The following ZNF536 variants were observed in gnomAD, a reference collection of about 807,000 sequenced individuals.
The protein encoded by ZNF536 is zinc finger protein 536.
In ZNF536, 13 loss-of-function variants were observed where a neutral mutation model predicts 84.5. That is an observed-to-expected ratio of 0.15 (90% CI 0.10 to 0.24). The LOEUF (loss-of-function observed/expected upper bound fraction) is 0.24. Among genes scored for constraint, ZNF536 ranks in the 10% least tolerant of loss-of-function variants. The probability of loss-of-function intolerance (pLI) is 1.00; values close to 1 mark genes in which losing one functional copy is unlikely to be tolerated. For synonymous variants in ZNF536, 811 were observed against 742.5 expected, an observed-to-expected ratio of 1.09 and a Z score of -1.50; for missense variants, 1,536 against 1,747.5, an observed-to-expected ratio of 0.88 and a Z score of 2.16.
chr19:30,632,735 G>C (rs775177292), intron 1 of ZNF536, among the ~76,000 whole-genome samples: 1 of 152,144 alleles, frequency 6.6e-6, no homozygotes, highest in Non-Finnish European at 1.5e-5. Flanking sequence ...ACCTCTCCCA[G>C]TGTTAATTGT....
At chr19:30,577,599 G>C (rs553234768) in intron 1 of ZNF536, among the ~76,000 whole-genome samples, 1 of 152,076 alleles carries the variant, frequency 6.6e-6, no homozygotes, top group Admixed American at 6.6e-5. Flanking sequence ...TAGTTCTTCT[G>C]TAGTTTTATT....
chr19:30,365,776 G>T (rs1378793296), intron 3 of ZNF536, among the ~76,000 whole-genome samples: 1 of 152,094 alleles, frequency 6.6e-6, no homozygotes, highest in Non-Finnish European at 1.5e-5. Context: ...CCTGCTTGTG[G>T]ACTTTAATAG....
At position 30,383,936 on chromosome 19, in the gene ZNF536, T is replaced by TCCCC. The variant is rs1237438366; in HGVS notation, c.-3+11380_-3+11381insCCCC. Among the ~76,000 whole-genome samples the TCCCC allele has an allele frequency of 2.1e-3, 84 of 39,754 alleles. 1 individual carries two copies. The highest frequency in any genetic ancestry group is 6.0e-3 in the African/African-American group (65 of 10,824). 26.1% of individuals were successfully genotyped at this position (39,754 alleles called of 152,430 possible). A position where few individuals can be genotyped will look rare whatever the true frequency, so the allele number is the denominator to read the frequency against. On this transcript the variant is annotated intron_variant, in intron 1 of 4. Coordinates refer to ENST00000355537, the MANE Select transcript of ZNF536 (RefSeq NM_014717.3). ...TTCCTTTCCCTTCCCTTCCCTTCCC[T>TCCCC]TCCCTCCCCTCCCCTCCCCTCCCCT... is the stretch of plus-strand genomic sequence containing the variant.
intron 1 of ZNF536, among the ~76,000 whole-genome samples, chr19:30,277,622 C>T (rs925850856): frequency 1.3e-5 from 2 of 152,222 alleles, no homozygotes; most frequent in African/African-American, 4.8e-5. Context: ...TGCTGTCTAC[C>T]TCCAACATGC....
intron 1 of ZNF536, among the ~76,000 whole-genome samples, chr19:30,408,865 C>T (rs757803222): frequency 2.7e-4 from 18 of 67,778 alleles, no homozygotes; most frequent in Non-Finnish European, 5.4e-4. Context: ...CTCCATCCAT[C>T]GATCTTCTAT....
chr19:30,481,789 T>G (rs2054099336), intron 2 of ZNF536, among the ~76,000 whole-genome samples: 2 of 152,308 alleles, frequency 1.3e-5, no homozygotes, highest in Middle Eastern at 6.8e-3. Flanking sequence ...CAGTGTACAC[T>G]GTATCCAATA....
intron 3 of ZNF536, among the ~76,000 whole-genome samples, chr19:30,545,551 C>G (rs1825002531): frequency 6.6e-6 from 1 of 151,878 alleles, no homozygotes; most frequent in South Asian, 2.1e-4. Context: ...GCACCCACCA[C>G]CACGCCCGGC....
chr19:30,522,283 AAT>A (rs1555789134), intron 2 of ZNF536, among the ~76,000 whole-genome samples: 40 of 42,352 alleles, frequency 9.4e-4, no homozygotes, highest in Non-Finnish European at 1.8e-3. Flanking sequence ...ACATATATAT[AAT>A]ATATATATAA....
chr19:30,505,826 C>T (rs549432203), intron 2 of ZNF536, among the ~76,000 whole-genome samples: 4 of 151,984 alleles, frequency 2.6e-5, no homozygotes, highest in East Asian at 1.9e-4. Flanking sequence ...CCAACGCACC[C>T]GGCTAATTTT....
intron 1 of ZNF536, among the ~76,000 whole-genome samples, chr19:30,373,297 C>T (rs2048683336): frequency 6.6e-6 from 1 of 152,110 alleles, no homozygotes; most frequent in African/African-American, 2.4e-5. Context: ...TCTGAGAGTT[C>T]TCAGTTGGCA....
At chr19:30,460,536 C>T (rs886342688) in intron 2 of ZNF536, among the ~76,000 whole-genome samples, 10 of 152,124 alleles carry the variant, frequency 6.6e-5, no homozygotes, top group South Asian at 2.1e-4. Flanking sequence ...CATGGGTCAG[C>T]GAGTTCTTTG....
intron 1 of ZNF536, among the ~76,000 whole-genome samples, chr19:30,703,862 A>G (rs1175309370): frequency 6.6e-6 from 1 of 152,114 alleles, no homozygotes; most frequent in African/African-American, 2.4e-5. Context: ...CATCATTATC[A>G]AGGTGTGGAA....
chr19:30,450,624 G>T (rs949325203), intron 2 of ZNF536, among the ~76,000 whole-genome samples: 1 of 152,122 alleles, frequency 6.6e-6, no homozygotes. Context: ...TGCCCTCTTA[G>T]ATAGCCTCCT....
intron 1 of ZNF536, among the ~76,000 whole-genome samples, chr19:30,569,652 C>A (rs2046474200): frequency 1.5e-5 from 2 of 135,524 alleles, no homozygotes; most frequent in Admixed American, 1.6e-4. Flanking sequence ...CTCACTGCAA[C>A]TTCTGCCTCC....
In ZNF536 at chr19:30,557,377, C is replaced by T. The variant is rs1490785549; in HGVS notation, c.*213C>T. 1 of 467,174 alleles carries T rather than the reference C, an allele frequency of 2.1e-6. No homozygotes were observed. Among genetic ancestry groups the T allele is most frequent in the Non-Finnish European group, 3.8e-6 (1 of 262,496 alleles). 28.9% of individuals were successfully genotyped at this position (467,174 alleles called of 1,614,324 possible). ...GAATCAGAGGCTAAAAATATTACCC[C>T]ATATGTTCCAGTATTAGTCATGGAT... On this transcript the variant is annotated 3_prime_UTR_variant, in exon 5 of 5. Transcript: ENST00000355537.
chr19:30,517,166 G>T (rs2044113771), intron 2 of ZNF536, among the ~76,000 whole-genome samples: 1 of 152,160 alleles, frequency 6.6e-6, no homozygotes, highest in Admixed American at 6.5e-5. Flanking sequence ...GAATCAAAGG[G>T]TATTTGCTAT....
At chr19:30,343,237 T>A (rs758079775) in intron 2 of ZNF536, among the ~76,000 whole-genome samples, 6 of 152,202 alleles carry the variant, frequency 3.9e-5, no homozygotes, top group Non-Finnish European at 8.8e-5. Flanking sequence ...TCCAGCAGAT[T>A]ATAAACAGTG....
chr19:30,537,680 T>G (rs1333121998), intron 3 of ZNF536, among the ~76,000 whole-genome samples: 1 of 152,192 alleles, frequency 6.6e-6, no homozygotes. Context: ...GAGCAAATGG[T>G]TATTGCTCTT....
intron 2 of ZNF536, among the ~76,000 whole-genome samples, chr19:30,317,339 G>T (rs1381366136): frequency 6.6e-6 from 1 of 152,168 alleles, no homozygotes; most frequent in African/African-American, 2.4e-5. Context: ...AGCCACCCAT[G>T]ATCTCAAGCC....
Sources: allele counts gnomAD v4.1 joint callset (sites outside exome capture counted in the v4.1 genomes callset), GRCh38; gene constraint gnomAD v4.1.1; transcripts MANE v1.5; gene names NCBI Gene and HGNC (gene_info 2026-07-23, HGNC 2026-07-21).